Variants in KLF5 observed in about 807,000 individuals in gnomAD.
KLF5 encodes Krueppel-like factor 5.
In KLF5, 9 loss-of-function variants were observed where a neutral mutation model predicts 36.9. The observed-to-expected ratio is 0.24, with a 90% CI of 0.15 to 0.43. The LOEUF is 0.43. Among genes scored for constraint, KLF5 ranks in the 20% least tolerant of loss-of-function variants. The pLI is 1.00. For synonymous variants in KLF5, 246 were observed against 241.7 expected (o/e 1.02, Z -0.17); for missense variants, 524 against 599.5 (o/e 0.87, Z 1.31).
rs758231346 is a variant in KLF5 at position 73,059,602 on chromosome 13, C to T, written c.261+14C>T. The T allele has an allele frequency of 1.4e-5, 16 of 1,150,836 alleles. No homozygotes were observed. The highest frequency in any genetic ancestry group is 1.6e-5 in the Non-Finnish European group (15 of 936,724). 71.3% of individuals were successfully genotyped at this position (1,150,836 alleles called of 1,614,324 possible). On this transcript the variant is annotated intron_variant, in intron 1 of 3. Transcript: ENST00000377687. ...GACCTGGTCCAGGTAGGAAGAGCCG[C>T]TCCCCTCCCACCGCAGCACTCCCGG...
Position 73,075,920 on chromosome 13 carries a change from G to T in KLF5, c.*34G>T. 6.7e-7 allele frequency: 1 copy of T among 1,484,472 alleles called. No homozygotes were observed. The highest frequency in any genetic ancestry group is 9.1e-7 in the Non-Finnish European group (1 of 1,097,558). 92.0% of individuals were successfully genotyped at this position (1,484,472 alleles called of 1,614,324 possible). A position where few individuals can be genotyped will look rare whatever the true frequency, so the allele number is the denominator to read the frequency against. Reference sequence around the variant, plus strand: ...CGTGTGACCCGTTCCAGGTCCCCTGGGCTCCCTCAAATGACAGACCTAACT... The same window carrying T: ...CGTGTGACCCGTTCCAGGTCCCCTGTGCTCCCTCAAATGACAGACCTAACT... On this transcript the variant is annotated 3_prime_UTR_variant, in exon 4 of 4. Coordinates refer to ENST00000377687, the MANE Select transcript of KLF5 (RefSeq NM_001730.5).
intron 1 of KLF5, 192 bp downstream of exon 1, chr13:73,059,780 G>C (rs1407702109): frequency 1.5e-5 from 11 of 738,538 alleles, no homozygotes; most frequent in Non-Finnish European, 1.5e-5. Context: ...TAAATGGGGG[G>C]GGGGGCCGGG....
rs1447906521 is a variant in KLF5, at chr13:73,059,497, GCCCGCAGGCGCAGCCCGCGCC to G, written c.172_192del (p.Pro58_Pro64del). On this transcript the variant is annotated inframe_deletion, in exon 1 of 4. Transcript: ENST00000377687. ...GAGGAGCTGAAGCACGCGCACCACCGCCCGCAGGCGCAGCCCGCGCCCGCGCAGGCCCCGCAGCCGGCCCAG... is the reference window on the plus strand; with the variant it reads ...GAGGAGCTGAAGCACGCGCACCACCGCGCGCAGGCCCCGCAGCCGGCCCAG... 1 of 1,228,258 alleles carries G rather than the reference GCCCGCAGGCGCAGCCCGCGCC, an allele frequency of 8.1e-7. No homozygotes were observed. The highest frequency in any genetic ancestry group is 1.0e-6 in the Non-Finnish European group (1 of 987,818). 76.1% of individuals were successfully genotyped at this position (1,228,258 alleles called of 1,614,324 possible).
rs149737562 is a variant in KLF5, at chr13:73,074,567, CATTTATTCCTACTGGAAT to C, written c.1196-1138_1196-1121del. On this transcript the variant is annotated intron_variant, in intron 3 of 3. Coordinates refer to ENST00000377687, the MANE Select transcript of KLF5 (RefSeq NM_001730.5). ...AATGCTCACTGAAAGAACGTTTTGGCATTTATTCCTACTGGAATATATGATCTCCAGTAGGATTCTTCA... is the reference window on the plus strand; with the variant it reads ...AATGCTCACTGAAAGAACGTTTTGGCATATGATCTCCAGTAGGATTCTTCA... Among the ~76,000 whole-genome samples the C allele has an allele frequency of 6.1e-3, 936 of 152,246 alleles. 3 individuals are homozygous for C. The highest frequency in any genetic ancestry group is 0.024 in the Middle Eastern group (7 of 294).
intron 3 of KLF5, 29 bp downstream of exon 3, chr13:73,063,912 G>C: frequency 7.0e-7 from 1 of 1,431,936 alleles, no homozygotes; most frequent in Non-Finnish European, 9.8e-7. Context: ...AATTCTGTGA[G>C]TTGTGTAAAT....
At chr13:73,067,560 G>T (rs190798408) in intron 3 of KLF5, among the ~76,000 whole-genome samples, 1 of 152,174 alleles carries the variant, frequency 6.6e-6, no homozygotes, top group Non-Finnish European at 1.5e-5. Flanking sequence ...GGAAATCAGG[G>T]TACGGTAACG....
At position 73,077,349 on chromosome 13, in the gene KLF5, AAC is replaced by A. The variant is rs1225750530; in HGVS notation, c.*1468_*1469del. 3 of 152,742 alleles carry A rather than the reference AAC, an allele frequency of 2.0e-5. No homozygotes were observed. Among genetic ancestry groups the A allele is most frequent in the South Asian group, 4.1e-4 (2 of 4,826 alleles). The allele number at this position is 152,742 out of a possible 1,614,324, so 9.5% of individuals were successfully genotyped here. On this transcript the variant is annotated 3_prime_UTR_variant, in exon 4 of 4. Coordinates refer to ENST00000377687, the MANE Select transcript of KLF5 (RefSeq NM_001730.5). ...AGGCTTCAAAATGTTTATACGTGGA[AAC>A]ACACCTACATGAAAAGCAGAAATCG...
intron 1 of KLF5, chr13:73,059,967 C>G: frequency 4.9e-6 from 1 of 202,074 alleles, no homozygotes; most frequent in Non-Finnish European, 8.8e-6. Context: ...TCTCCAATGC[C>G]AAGGCATTGG....
At chr13:73,065,929 C>T (rs945532327) in intron 3 of KLF5, among the ~76,000 whole-genome samples, 4 of 152,216 alleles carry the variant, frequency 2.6e-5, no homozygotes, top group East Asian at 1.9e-4. Context: ...CTTGACCTGC[C>T]GGCAAATACA....
intron 3 of KLF5, among the ~76,000 whole-genome samples, chr13:73,067,667 A>G (rs1395571907): frequency 2.6e-5 from 4 of 152,128 alleles, no homozygotes; most frequent in Admixed American, 2.6e-4. Context: ...TGAACAACAC[A>G]CACTTGGCTC....
At chr13:73,074,185 A>G (rs528256170) in intron 3 of KLF5, among the ~76,000 whole-genome samples, 13 of 152,214 alleles carry the variant, frequency 8.5e-5, no homozygotes, top group Non-Finnish European at 1.5e-4. Flanking sequence ...AGTGGTTATC[A>G]TGACAACAAA....
chr13:73,071,829 G>A (rs1053167437), intron 3 of KLF5, among the ~76,000 whole-genome samples: 4 of 152,150 alleles, frequency 2.6e-5, no homozygotes, highest in African/African-American at 7.2e-5. Context: ...AGTTTGGATT[G>A]TTTAGGTTCG....
Position 73,076,061 on chromosome 13 carries a change from G to T in KLF5, c.*175G>T. On this transcript the variant is annotated 3_prime_UTR_variant, in exon 4 of 4. Coordinates refer to ENST00000377687, the MANE Select transcript of KLF5 (RefSeq NM_001730.5). ...GAATACATTGTATTAATACCAAAGT[G>T]TTTGGTCATTTTAAGAATCTGGAAT... is the stretch of plus-strand genomic sequence containing the variant. 6.0e-6 allele frequency: 3 copies of T among 502,222 alleles called. No individual in the cohort carries two copies. Among genetic ancestry groups the T allele is most frequent in the Admixed American group, 7.5e-5 (2 of 26,640 alleles). The allele number at this position is 502,222 out of a possible 1,614,324, so 31.1% of individuals were successfully genotyped here.
intron 3 of KLF5, 29 bp from the exon 4 acceptor site, chr13:73,075,679 C>A (rs750520312): frequency 6.5e-7 from 1 of 1,542,436 alleles, no homozygotes; most frequent in Admixed American, 1.7e-5. Flanking sequence ...ACAAGCAGGC[C>A]GCTTTACCTC....
At chr13:73,073,723 GTTTA>G (rs747058761) in intron 3 of KLF5, among the ~76,000 whole-genome samples, 5 of 151,948 alleles carry the variant, frequency 3.3e-5, no homozygotes, top group African/African-American at 7.3e-5. Flanking sequence ...TGTTTCTGTG[GTTTA>G]TTTTTCACAG....
intron 1 of KLF5, among the ~76,000 whole-genome samples, chr13:73,060,154 C>A (rs868166524): frequency 1.0e-5 from 1 of 96,674 alleles, no homozygotes; most frequent in Non-Finnish European, 2.3e-5. Context: ...GCTTATTTTT[C>A]CTTAAAAAAA....
chr13:73,062,151 G>A lies in KLF5; in HGVS notation c.552G>A (p.Gln184=), dbSNP rs774451119. ...ETTAPPPAPT[Q]ALPEFTSIFS... ...CTGCCCCTCCTCCGGCCCCGACCCA[G>A]GCCCTCCCTGAGTTCACCAGTATAT... The change falls in exon 2 of 4, where the codon CAG becomes CAA. Residue 184 remains glutamine, a synonymous_variant. Coordinates refer to ENST00000377687, the MANE Select transcript of KLF5 (RefSeq NM_001730.5). 59 of 1,613,974 alleles carry A rather than the reference G, an allele frequency of 3.7e-5. No homozygotes were observed. The highest frequency in any genetic ancestry group is 4.7e-5 in the Non-Finnish European group (56 of 1,180,018).
intron 3 of KLF5, among the ~76,000 whole-genome samples, chr13:73,066,028 C>T (rs1341681929): frequency 2.0e-5 from 3 of 152,172 alleles, no homozygotes; most frequent in East Asian, 1.9e-4. Context: ...CTTGCATCAG[C>T]TTTTTCACCT....
At chr13:73,060,355 C>T (rs947204213) in intron 1 of KLF5, among the ~76,000 whole-genome samples, 4 of 151,894 alleles carry the variant, frequency 2.6e-5, no homozygotes, top group Admixed American at 1.3e-4. Flanking sequence ...TTTAGCCTGT[C>T]CCAAGGAAAA....
Sources: allele counts gnomAD v4.1 joint callset (sites outside exome capture counted in the v4.1 genomes callset), GRCh38; gene constraint gnomAD v4.1.1; transcripts MANE v1.5; gene names NCBI Gene and HGNC (gene_info 2026-07-23, HGNC 2026-07-21).